The following DPP10 variants were observed in gnomAD, a reference collection of about 807,000 sequenced individuals.
DPP10 encodes inactive dipeptidyl peptidase 10.
In DPP10, 33 loss-of-function variants were observed where a neutral mutation model predicts 120.9. The ratio of observed to expected loss-of-function variants is 0.27; its 90% CI spans 0.21 to 0.37. The LOEUF (loss-of-function observed/expected upper bound fraction) is 0.37, where lower values mean the gene tolerates loss of function less well. Among genes scored for constraint, DPP10 ranks in the 10% least tolerant of loss-of-function variants. The pLI is 1.00. For synonymous variants in DPP10, 337 were observed against 326.1 expected, an observed-to-expected ratio of 1.03 and a Z score of -0.36; for missense variants, 816 against 942.8, an observed-to-expected ratio of 0.87 and a Z score of 1.76.
chr2:114,954,873 T>C (rs1157760807), intron 1 of DPP10, among the ~76,000 whole-genome samples: 1 of 152,136 alleles, frequency 6.6e-6, no homozygotes, highest in African/African-American at 2.4e-5. Flanking sequence ...AAGAAATAGA[T>C]ATATTTCTGG....
At chr2:114,707,810 G>T (rs1479676859) in intron 1 of DPP10, among the ~76,000 whole-genome samples, 3 of 152,188 alleles carry the variant, frequency 2.0e-5, no homozygotes, top group South Asian at 2.1e-4. Context: ...CTACTTATAT[G>T]TGATAATTCA....
chr2:115,031,283 C>T (rs1465130865), intron 1 of DPP10, among the ~76,000 whole-genome samples: 1 of 152,098 alleles, frequency 6.6e-6, no homozygotes. Flanking sequence ...CTTGAGAAGA[C>T]ACAAAGTGTA....
chr2:115,170,491 T>TA (rs1455625232), intron 1 of DPP10, among the ~76,000 whole-genome samples: 4 of 152,186 alleles, frequency 2.6e-5, no homozygotes, highest in Non-Finnish European at 5.9e-5. Context: ...CTGGCAAAAT[T>TA]AGTCTATAAT....
chr2:115,123,134 G>C (rs536279526), intron 1 of DPP10, among the ~76,000 whole-genome samples: 1 of 152,308 alleles, frequency 6.6e-6, no homozygotes, highest in South Asian at 2.1e-4. Flanking sequence ...TGCCTCCTTG[G>C]AGGAAAGAAT....
At chr2:115,429,229 A>AT (rs996817839) in intron 3 of DPP10, among the ~76,000 whole-genome samples, 42 of 26,358 alleles carry the variant, frequency 1.6e-3, no homozygotes, top group Admixed American at 3.3e-3. Context: ...TTTAAAATAT[A>AT]TTAAAAAAAA....
At chr2:115,409,706 G>A (rs1292747120) in intron 3 of DPP10, among the ~76,000 whole-genome samples, 2 of 152,186 alleles carry the variant, frequency 1.3e-5, no homozygotes, top group Non-Finnish European at 2.9e-5. Flanking sequence ...AAACACACAT[G>A]CATGCACATG....
chr2:115,048,635 C>G (rs1039799921), intron 1 of DPP10, among the ~76,000 whole-genome samples: 1 of 151,756 alleles, frequency 6.6e-6, no homozygotes, highest in African/African-American at 2.4e-5. Context: ...CAAATAGCTC[C>G]CTTCATCACT....
intron 7 of DPP10, among the ~76,000 whole-genome samples, chr2:115,697,022 T>C (rs2091629766): frequency 6.6e-6 from 1 of 152,054 alleles, no homozygotes; most frequent in Non-Finnish European, 1.5e-5. Context: ...AAATCAGCAC[T>C]ATAACTTTAT....
At chr2:114,604,147 G>C (rs1448381392) in intron 1 of DPP10, among the ~76,000 whole-genome samples, 1 of 151,902 alleles carries the variant, frequency 6.6e-6, no homozygotes, top group Non-Finnish European at 1.5e-5. Flanking sequence ...TGCTCACCTA[G>C]GCAACTTCTC....
chr2:115,286,493 T>TATATATATA (rs2060384959), intron 1 of DPP10, among the ~76,000 whole-genome samples: 1 of 9,254 alleles, frequency 1.1e-4, no homozygotes, highest in Non-Finnish European at 3.5e-4. Context: ...ATATATATAA[T>TATATATATA]ATATATATAT....
At chr2:114,758,657 A>T (rs999788281) in intron 1 of DPP10, among the ~76,000 whole-genome samples, 3 of 152,210 alleles carry the variant, frequency 2.0e-5, no homozygotes, top group African/African-American at 7.2e-5. Context: ...TTTCAAATAA[A>T]TGTATGGGCT....
In DPP10 at chr2:114,653,953, T is replaced by C. The variant is rs560830270; in HGVS notation, c.60+211115T>C. Among the ~76,000 whole-genome samples, 7 of 152,286 alleles carry C rather than the reference T, an allele frequency of 4.6e-5. No homozygotes were observed. The South Asian group carries it at 1.5e-3, about 32-fold the overall frequency. On this transcript the variant is annotated intron_variant, in intron 1 of 25. Transcript: ENST00000410059. ...GGCATCTAGAAAGGTGTTCAATCTC[T>C]TGGGGGTAATCCATAGGCCTCCAGG...
intron 1 of DPP10, among the ~76,000 whole-genome samples, chr2:114,957,835 T>C (rs1216168358): frequency 6.6e-6 from 1 of 152,218 alleles, no homozygotes; most frequent in Non-Finnish European, 1.5e-5. Flanking sequence ...GATTATATTA[T>C]GTGAAATAAG....
chr2:115,467,269 C>T (rs186608195), intron 3 of DPP10, among the ~76,000 whole-genome samples: 7 of 152,090 alleles, frequency 4.6e-5, no homozygotes, highest in African/African-American at 1.4e-4. Flanking sequence ...ACAAATAAAA[C>T]AAGAGACACT....
chr2:114,927,995 G>A (rs1015392084), intron 1 of DPP10, among the ~76,000 whole-genome samples: 1 of 152,078 alleles, frequency 6.6e-6, no homozygotes, highest in Non-Finnish European at 1.5e-5. Flanking sequence ...TCCCCACCAG[G>A]GAAGGCATTA....
intron 19 of DPP10, among the ~76,000 whole-genome samples, chr2:115,807,799 A>G (rs1360391255): frequency 6.6e-6 from 1 of 151,696 alleles, no homozygotes; most frequent in Non-Finnish European, 1.5e-5. Context: ...AAGAAAAAAA[A>G]AAACATTAAA....
At chr2:114,642,303 A>G (rs538686579) in intron 1 of DPP10, among the ~76,000 whole-genome samples, 6 of 152,100 alleles carry the variant, frequency 3.9e-5, no homozygotes, top group South Asian at 4.1e-4. Flanking sequence ...ACAAGACAGG[A>G]ACTGAAGATC....
At chr2:114,629,871 A>T (rs1437480170) in intron 1 of DPP10, among the ~76,000 whole-genome samples, 1 of 152,194 alleles carries the variant, frequency 6.6e-6, no homozygotes, top group Admixed American at 6.5e-5. Context: ...CTCAGTGGAC[A>T]CCAATGAATA....
rs553410287 is a variant in DPP10 at position 114,718,330 on chromosome 2, G to A, written c.60+275492G>A. On this transcript the variant is annotated intron_variant, in intron 1 of 25. Transcript: ENST00000410059. Reference sequence around the variant, plus strand: ...GCAGGAGAATCGCTTGATCCTGGGAGGCGGAGGTTGCAGTGAGCTGAGATC... The same window carrying A: ...GCAGGAGAATCGCTTGATCCTGGGAAGCGGAGGTTGCAGTGAGCTGAGATC... Among the ~76,000 whole-genome samples, 32 of 150,764 alleles carry A rather than the reference G, an allele frequency of 2.1e-4. No homozygotes were observed. The East Asian group carries it at 6.0e-3, about 29-fold the overall frequency.
Sources: gnomAD v4.1 joint callset for allele counts (sites outside exome capture counted in the v4.1 genomes callset) on GRCh38, gnomAD v4.1.1 for gene constraint, MANE v1.5 for transcripts, NCBI Gene and HGNC (gene_info 2026-07-23, HGNC 2026-07-21) for gene names.